MTUS2: variants seen among roughly 807,000 people sequenced by gnomAD.
MTUS2 encodes microtubule-associated tumor suppressor candidate 2.
In MTUS2, 40 loss-of-function variants were observed where a neutral mutation model predicts 114.1. The observed-to-expected ratio is 0.35, with a 90% CI of 0.27 to 0.46. The LOEUF is 0.46. MTUS2 is among the 20% of genes least tolerant of loss of function. The pLI, the probability that MTUS2 is intolerant of heterozygous loss-of-function variation, is 1.00. For missense variants in MTUS2, 1,679 were observed against 1,705.4 expected (o/e 0.98, Z 0.27); for synonymous variants, 688 against 672.0 (o/e 1.02, Z -0.37).
At chr13:29,009,256 A>G (rs1406345860) in intron 2 of MTUS2, among the ~76,000 whole-genome samples, 1 of 152,104 alleles carries the variant, frequency 6.6e-6, no homozygotes, top group East Asian at 1.9e-4. Context: ...AATCTATGGC[A>G]CAGCCATATA....
At chr13:29,074,004 C>G (rs1361117540) in intron 4 of MTUS2, among the ~76,000 whole-genome samples, 1 of 152,190 alleles carries the variant, frequency 6.6e-6, no homozygotes. Context: ...CCCGTTCCTG[C>G]TCTCAGAACA....
intron 2 of MTUS2, among the ~76,000 whole-genome samples, chr13:28,986,523 A>T (rs1884594643): frequency 1.3e-5 from 2 of 152,188 alleles, no homozygotes; most frequent in South Asian, 4.1e-4. Context: ...GATGCAAAGA[A>T]CTAAGACAAA....
intron 8 of MTUS2, among the ~76,000 whole-genome samples, chr13:29,375,412 CTTA>C (rs1406350908): frequency 1.7e-5 from 2 of 117,544 alleles, no homozygotes; most frequent in Non-Finnish European, 3.7e-5. Flanking sequence ...ACCGCAATTA[CTTA>C]CTTTTAATGG....
intron 5 of MTUS2, among the ~76,000 whole-genome samples, chr13:29,121,896 G>A (rs1891326322): frequency 6.6e-6 from 1 of 152,058 alleles, no homozygotes; most frequent in South Asian, 2.1e-4. Context: ...CCAACCTGAG[G>A]TGATCCGCCC....
chr13:29,080,900 A>G (rs893120738), intron 4 of MTUS2, among the ~76,000 whole-genome samples: 5 of 151,992 alleles, frequency 3.3e-5, no homozygotes, highest in African/African-American at 1.2e-4. Context: ...TAATTTTTGT[A>G]TTTTTAGTAG....
At position 29,186,324 on chromosome 13, in the gene MTUS2, A is replaced by G. The variant is rs143743711; in HGVS notation, c.2644+85354A>G. Reference sequence around the variant, plus strand: ...AATTAAACAGTCCAATTAAAAAGGAATTAAACACTGAATTAAAAAATGATC... The same window carrying G: ...AATTAAACAGTCCAATTAAAAAGGAGTTAAACACTGAATTAAAAAATGATC... On this transcript the variant is annotated intron_variant, in intron 5 of 15. Transcript: ENST00000612955. 5.3e-5 allele frequency among the ~76,000 whole-genome samples: 8 copies of G among 152,380 alleles called. 1 individual carries two copies. In the East Asian group the frequency reaches 1.5e-3, roughly 29 times the overall value.
chr13:29,337,793 G>GTTTTTTT (rs567260002), intron 7 of MTUS2, among the ~76,000 whole-genome samples: 1 of 132,626 alleles, frequency 7.5e-6, no homozygotes, highest in African/African-American at 2.9e-5. Flanking sequence ...GTTTGTTTTG[G>GTTTTTTT]TTTTTTTTTT....
rs143510868 is a variant in MTUS2 at position 28,884,832 on chromosome 13, A to AT, written c.-243+44990dup. ...CATTTCAAAATAACACAAATAACAC[A>AT]TTTTTTTTGTTTATTTTTGAGACAA... On this transcript the variant is annotated intron_variant, in intron 2 of 15. Coordinates refer to ENST00000612955, the MANE Select transcript of MTUS2 (RefSeq NM_001033602.4). Among the ~76,000 whole-genome samples, 34 of 152,114 alleles carry AT rather than the reference A, an allele frequency of 2.2e-4. No homozygotes were observed. In the East Asian group the frequency reaches 4.2e-3, roughly 19 times the overall value.
At chr13:29,488,297 A>G (rs1486205634) in intron 11 of MTUS2, 1 of 458,130 alleles carries the variant, frequency 2.2e-6, no homozygotes, top group African/African-American at 2.0e-5. Flanking sequence ...GTCCCACCCC[A>G]GGGATTCTGA....
intron 2 of MTUS2, among the ~76,000 whole-genome samples, chr13:28,980,034 T>C (rs1566267060): frequency 6.6e-6 from 1 of 152,192 alleles, no homozygotes; most frequent in African/African-American, 2.4e-5. Flanking sequence ...GAAGGAACTT[T>C]CTTATGCTTA....
rs368580812 is a variant in MTUS2 at position 28,822,874 on chromosome 13, A to C, written c.-316+2263A>C. On this transcript the variant is annotated intron_variant, in intron 1 of 15. Transcript: ENST00000612955. ...CTGAAAAGATGAAAAAAATCTGTAC[A>C]ATATCATAGTTGACTTGCTGAGAAA... is the stretch of plus-strand genomic sequence containing the variant. Among the ~76,000 whole-genome samples the C allele has an allele frequency of 1.0e-3, 152 of 152,364 alleles. 1 individual carries two copies. The highest frequency in any genetic ancestry group is 3.5e-3 in the African/African-American group (147 of 41,586).
chr13:28,843,440 G>T (rs544699068), intron 2 of MTUS2, among the ~76,000 whole-genome samples: 28 of 152,214 alleles, frequency 1.8e-4, no homozygotes, highest in African/African-American at 6.0e-4. Context: ...GGCAGGGTAA[G>T]GTTAATCCTT....
chr13:28,860,466 G>A (rs1876899956), intron 2 of MTUS2, among the ~76,000 whole-genome samples: 2 of 152,214 alleles, frequency 1.3e-5, no homozygotes, highest in Admixed American at 1.3e-4. Flanking sequence ...GACTCCTCAT[G>A]TGAAACCAGT....
chr13:29,193,943 A>G (rs1422355580), intron 5 of MTUS2, among the ~76,000 whole-genome samples: 2 of 152,168 alleles, frequency 1.3e-5, no homozygotes, highest in Non-Finnish European at 2.9e-5. Context: ...AACGCCGCAT[A>G]TCTACAAATA....
chr13:29,427,312 A>C (rs899530153), intron 8 of MTUS2, among the ~76,000 whole-genome samples: 3 of 152,168 alleles, frequency 2.0e-5, no homozygotes, highest in Non-Finnish European at 4.4e-5. Context: ...TTTTTATAAA[A>C]CTTTGCTTTC....
intron 2 of MTUS2, among the ~76,000 whole-genome samples, chr13:28,896,822 A>T (rs373119656): frequency 2.0e-5 from 3 of 152,234 alleles, no homozygotes; most frequent in South Asian, 4.1e-4. Context: ...TATTTAATAA[A>T]TGGTGCTGGG....
chr13:29,084,201 A>G (rs911159624), intron 4 of MTUS2, among the ~76,000 whole-genome samples: 22 of 152,190 alleles, frequency 1.4e-4, no homozygotes, highest in South Asian at 4.1e-4. Flanking sequence ...GCAGAAGTAC[A>G]AAAGCCAGTT....
chr13:29,336,025 C>T (rs968901741), intron 7 of MTUS2, among the ~76,000 whole-genome samples: 2 of 152,094 alleles, frequency 1.3e-5, no homozygotes, highest in African/African-American at 4.8e-5. Context: ...CTGTATTTTT[C>T]AGCTCCGTCA....
intron 5 of MTUS2, among the ~76,000 whole-genome samples, chr13:29,245,228 G>A (rs911568778): frequency 6.6e-6 from 1 of 152,124 alleles, no homozygotes. Flanking sequence ...TTTACCAGAA[G>A]GTGGTAGATA....
Sources: gnomAD v4.1 joint callset for allele counts (sites outside exome capture counted in the v4.1 genomes callset) on GRCh38, gnomAD v4.1.1 for gene constraint, MANE v1.5 for transcripts, NCBI Gene and HGNC (gene_info 2026-07-23, HGNC 2026-07-21) for gene names.